The following ERG variants were observed in gnomAD, a reference collection of about 807,000 sequenced individuals.
ERG encodes ETS transcription factor ERG, also known as transcriptional regulator ERG.
In ERG, 9 loss-of-function variants were observed where a neutral mutation model predicts 55.3. The ratio of observed to expected loss-of-function variants is 0.16; its 90% CI spans 0.10 to 0.28. ERG has a LOEUF of 0.28. ERG is among the 10% of genes least tolerant of loss of function. The pLI, the probability that ERG is intolerant of heterozygous loss-of-function variation, is 1.00. For synonymous variants in ERG, 223 were observed against 237.3 expected (o/e 0.94, Z 0.55); for missense variants, 434 against 631.6 (o/e 0.69, Z 3.35).
intron 2 of ERG, among the ~76,000 whole-genome samples, chr21:38,554,262 A>G (rs550046385): frequency 7.7e-4 from 118 of 152,364 alleles, no homozygotes; most frequent in African/African-American, 2.8e-3. Context: ...CACTGTGGAA[A>G]GCAGTTTGGA....
intron 3 of ERG, among the ~76,000 whole-genome samples, chr21:38,416,467 C>T (rs1284915560): frequency 1.3e-5 from 2 of 152,200 alleles, no homozygotes; most frequent in African/African-American, 2.4e-5. Flanking sequence ...ATACTAGAAA[C>T]TTAAGTACAG....
At chr21:38,597,894 G>T (rs992180204) in intron 1 of ERG, among the ~76,000 whole-genome samples, 2 of 152,198 alleles carry the variant, frequency 1.3e-5, no homozygotes, top group Non-Finnish European at 2.9e-5. Flanking sequence ...ATTACGTGAT[G>T]TAATTAACAT....
chr21:38,442,374 A>G lies in ERG; in HGVS notation c.236+3030T>C, dbSNP rs1281070327. ...CGTGCCACTTCCCTGCAGCCTGGGT[A>G]AAAAAGAGCAAAACTCCATCTAAAA... On this transcript the variant is annotated intron_variant, in intron 2 of 9. Coordinates refer to ENST00000288319, the MANE Select transcript of ERG (RefSeq NM_182918.4). Among the ~76,000 whole-genome samples the G allele has an allele frequency of 3.3e-5, 5 of 152,206 alleles. No homozygotes were observed. In the South Asian group the frequency reaches 6.2e-4, roughly 19 times the overall value.
At chr21:38,482,043 A>G (rs1331133433) in intron 1 of ERG, among the ~76,000 whole-genome samples, 2 of 152,220 alleles carry the variant, frequency 1.3e-5, no homozygotes, top group Non-Finnish European at 2.9e-5. Flanking sequence ...AGTGTCATGT[A>G]GCAAAATGCA....
chr21:38,451,429 C>T (rs1327122215), intron 1 of ERG, among the ~76,000 whole-genome samples: 2 of 152,208 alleles, frequency 1.3e-5, no homozygotes, highest in Non-Finnish European at 2.9e-5. Context: ...GTGTTCATTG[C>T]AGGTGGATGC....
downstream of ERG, chr21:38,379,922 C>G (rs183978622): frequency 1.9e-4 from 133 of 716,162 alleles, 1 homozygote; most frequent in African/African-American, 2.1e-3. Flanking sequence ...TGGTCCCGGG[C>G]TCAAGCGATC....
intron 1 of ERG, among the ~76,000 whole-genome samples, chr21:38,470,043 C>A (rs79742059): frequency 0.018 from 2,810 of 152,262 alleles, 97 homozygotes; most frequent in African/African-American, 0.064. Flanking sequence ...TCCTGGAGGG[C>A]AGGGATGTAT....
intron 3 of ERG, 27 bp from the exon 4 acceptor site, chr21:38,403,736 C>A: frequency 1.2e-6 from 2 of 1,606,066 alleles, no homozygotes; most frequent in South Asian, 2.2e-5. Context: ...CACATTCAGT[C>A]AATTCCTGAA....
In ERG at chr21:38,635,916, T is replaced by C. The variant is rs190889095; in HGVS notation, c.-150+25742A>G. On this transcript the variant is annotated intron_variant, in intron 1 of 10. Transcript: ENST00000398910. Reference sequence around the variant, plus strand: ...TCCACAATTTGGGGGAGGTGATTCTTCTAGGTCTCTATTTTCCCATACAAG... The same window carrying C: ...TCCACAATTTGGGGGAGGTGATTCTCCTAGGTCTCTATTTTCCCATACAAG... Among the ~76,000 whole-genome samples, 17 of 152,292 alleles carry C rather than the reference T, an allele frequency of 1.1e-4. 1 individual carries two copies. The East Asian group carries it at 2.9e-3, about 26-fold the overall frequency.
intron 1 of ERG, among the ~76,000 whole-genome samples, chr21:38,456,015 C>T (rs972613660): frequency 6.6e-6 from 1 of 152,202 alleles, no homozygotes; most frequent in Non-Finnish European, 1.5e-5. Context: ...TGTACCAAGT[C>T]TTCAAGCTCC....
At chr21:38,411,174 T>C (rs577754669) in intron 3 of ERG, among the ~76,000 whole-genome samples, 2 of 152,356 alleles carry the variant, frequency 1.3e-5, no homozygotes, top group South Asian at 4.1e-4. Flanking sequence ...AAATTTGATC[T>C]CAAATAAAGA....
intron 1 of ERG, among the ~76,000 whole-genome samples, chr21:38,621,619 G>C (rs1423077686): frequency 6.6e-6 from 1 of 152,120 alleles, no homozygotes; most frequent in Admixed American, 6.6e-5. Context: ...AAATTACTGA[G>C]ACTTTTGGAG....
intron 1 of ERG, among the ~76,000 whole-genome samples, chr21:38,646,907 C>T (rs1321924271): frequency 1.3e-5 from 2 of 152,148 alleles, no homozygotes; most frequent in Non-Finnish European, 2.9e-5. Flanking sequence ...ACATCCAAAG[C>T]GTGCAGGGAA....
chr21:38,489,420 T>C (rs545963642), intron 1 of ERG, among the ~76,000 whole-genome samples: 1 of 152,286 alleles, frequency 6.6e-6, no homozygotes, highest in East Asian at 1.9e-4. Flanking sequence ...GCAACACACA[T>C]TTTATGTCTT....
At chr21:38,661,343 A>G (rs1409044274) in intron 1 of ERG, among the ~76,000 whole-genome samples, 2 of 152,236 alleles carry the variant, frequency 1.3e-5, no homozygotes, top group African/African-American at 4.8e-5. Context: ...ATGACCGCGG[A>G]CTGCCCTCGA....
chr21:38,537,915 T>G (rs567490637), intron 2 of ERG, among the ~76,000 whole-genome samples: 2 of 152,208 alleles, frequency 1.3e-5, no homozygotes, highest in Admixed American at 6.5e-5. Context: ...CATCCACAGA[T>G]GAGTGGATAA....
At chr21:38,633,922 C>T (rs2060372427) in intron 1 of ERG, among the ~76,000 whole-genome samples, 2 of 150,958 alleles carry the variant, frequency 1.3e-5, no homozygotes, top group East Asian at 3.9e-4. Flanking sequence ...GTGTGATGGG[C>T]TGCCCTAAAG....
At chr21:38,651,138 T>C (rs763083941) in intron 1 of ERG, among the ~76,000 whole-genome samples, 26 of 152,238 alleles carry the variant, frequency 1.7e-4, no homozygotes, top group Admixed American at 2.0e-4. Flanking sequence ...AGTATTTTAT[T>C]TTACCCTTTA....
At chr21:38,624,435 A>T (rs1291512413) in intron 1 of ERG, among the ~76,000 whole-genome samples, 2 of 152,208 alleles carry the variant, frequency 1.3e-5, no homozygotes, top group Non-Finnish European at 1.5e-5. Context: ...CATTCTGCAC[A>T]TGCATCCCAG....
Sources: gnomAD v4.1 joint callset for allele counts (sites outside exome capture counted in the v4.1 genomes callset) on GRCh38, gnomAD v4.1.1 for gene constraint, MANE v1.5 for transcripts, NCBI Gene and HGNC (gene_info 2026-07-23, HGNC 2026-07-21) for gene names.